The following RCC1 variants were observed in gnomAD, a reference collection of about 807,000 sequenced individuals.
The protein encoded by RCC1 is regulator of chromosome condensation.
RCC1 carries 11 observed loss-of-function variants against 44.4 expected under a neutral mutation model. That is an observed-to-expected ratio of 0.25 (90% CI 0.16 to 0.41). The LOEUF (loss-of-function observed/expected upper bound fraction) is 0.41, where lower values mean the gene tolerates loss of function less well. Ranked by LOEUF, RCC1 falls within the 10% of genes least tolerant of loss-of-function variation. The probability of loss-of-function intolerance (pLI) is 1.00; values close to 1 mark genes in which losing one functional copy is unlikely to be tolerated. For missense variants in RCC1, 386 were observed against 547.1 expected (o/e 0.71, Z 2.94); for synonymous variants, 213 against 216.5 (o/e 0.98, Z 0.14).
intron 4 of RCC1, among the ~76,000 whole-genome samples, chr1:28,527,669 ATGT>A (rs1460991030): frequency 2.0e-5 from 3 of 152,316 alleles, no homozygotes; most frequent in South Asian, 2.1e-4. Flanking sequence ...ATTTCATTTA[ATGT>A]TGTTCTTCAA....
At chr1:28,518,419 C>T (rs1019642116) in intron 4 of RCC1, 3 of 151,662 alleles carry the variant, frequency 2.0e-5, no homozygotes. Flanking sequence ...CCCGCTCTCG[C>T]CCGTGTCGCG....
intron 4 of RCC1, among the ~76,000 whole-genome samples, chr1:28,529,206 G>A (rs1663931204): frequency 1.3e-5 from 1 of 75,480 alleles, no homozygotes; most frequent in Admixed American, 1.5e-4. Context: ...TTTTTTTTGA[G>A]ACAGTCTGGC....
chr1:28,511,431 C>CG (rs1662534544), intron 3 of RCC1, among the ~76,000 whole-genome samples: 1 of 146,714 alleles, frequency 6.8e-6, no homozygotes, highest in African/African-American at 2.6e-5. Flanking sequence ...GAGGGAGTCT[C>CG]GCTCTGTCGC....
intron 3 of RCC1, among the ~76,000 whole-genome samples, 195 bp from the exon 4 acceptor site, chr1:28,516,530 T>C (rs925717737): frequency 2.7e-5 from 4 of 150,788 alleles, no homozygotes; most frequent in South Asian, 4.2e-4. Flanking sequence ...AGTTGAGGTC[T>C]CCTTCCACCA....
intron 3 of RCC1, chr1:28,509,121 G>A (rs1557865462): frequency 3.0e-6 from 1 of 329,470 alleles, no homozygotes; most frequent in Non-Finnish European, 6.0e-6. Flanking sequence ...TCTTTTAAAA[G>A]TCGACCTGTT....
chr1:28,526,491 C>T lies in RCC1; in HGVS notation c.-9-3367C>T, dbSNP rs893055708. The T allele has an allele frequency of 1.7e-4, 95 of 572,878 alleles. 1 individual carries two copies. The highest frequency in any genetic ancestry group is 1.5e-3 in the South Asian group (79 of 52,998). 35.5% of individuals were successfully genotyped at this position (572,878 alleles called of 1,614,324 possible). Reference sequence around the variant, plus strand: ...TCTTGGTGTATTTATCCAGGCAAGACGGCTAAAGTGGGAATCCACTGAGAC... The same window carrying T: ...TCTTGGTGTATTTATCCAGGCAAGATGGCTAAAGTGGGAATCCACTGAGAC... On this transcript the variant is annotated intron_variant, in intron 4 of 12. Coordinates refer to ENST00000683442, the MANE Select transcript of RCC1 (RefSeq NM_001381865.2).
intron 2 of RCC1, 154 bp from the exon 3 acceptor site, chr1:28,508,676 G>A (rs1327468036): frequency 1.9e-6 from 1 of 518,892 alleles, no homozygotes; most frequent in East Asian, 5.4e-5. Flanking sequence ...GATGAAGCTG[G>A]GCCTCGTGTC....
At chr1:28,532,733 AT>A (rs1266144369) in intron 7 of RCC1, 1 of 471,770 alleles carries the variant, frequency 2.1e-6, no homozygotes, top group South Asian at 1.5e-5. Context: ...GGAGGCAGGG[AT>A]TGTCGCATCT....
intron 9 of RCC1, 55 bp from the exon 10 acceptor site, chr1:28,535,816 A>C (rs1016143560): frequency 1.3e-4 from 210 of 1,571,728 alleles, no homozygotes; most frequent in Non-Finnish European, 9.5e-5. Flanking sequence ...CTCGGGGCAG[A>C]GAGAAGCCAT....
chr1:28,516,240 G>A (rs542471835), intron 3 of RCC1, among the ~76,000 whole-genome samples: 71 of 152,200 alleles, frequency 4.7e-4, no homozygotes, highest in Non-Finnish European at 8.5e-4. Flanking sequence ...AAGGCTGGGC[G>A]CGGAGGCTCA....
intron 4 of RCC1, among the ~76,000 whole-genome samples, chr1:28,528,719 C>T (rs1473266683): frequency 6.6e-6 from 1 of 150,472 alleles, no homozygotes; most frequent in East Asian, 1.9e-4. Flanking sequence ...TCTATAATAC[C>T]ATTTTCCGAG....
chr1:28,527,760 C>T (rs1034318719), intron 4 of RCC1, among the ~76,000 whole-genome samples: 3 of 151,906 alleles, frequency 2.0e-5, no homozygotes, highest in Admixed American at 1.3e-4. Context: ...CCTGTAATCC[C>T]GCACTTTGGG....
intron 4 of RCC1, among the ~76,000 whole-genome samples, chr1:28,529,517 A>G (rs886583527): frequency 3.9e-5 from 6 of 151,956 alleles, no homozygotes; most frequent in Non-Finnish European, 8.8e-5. Context: ...TTACTTGGCA[A>G]TGGGGAACAT....
At chr1:28,520,367 G>GACTGTCTCC (rs1663191996) in intron 4 of RCC1, among the ~76,000 whole-genome samples, 1 of 152,180 alleles carries the variant, frequency 6.6e-6, no homozygotes, top group African/African-American at 2.4e-5. Flanking sequence ...GGTCAGGGCA[G>GACTGTCTCC]GAGCACCAGG....
intron 4 of RCC1, among the ~76,000 whole-genome samples, chr1:28,520,978 C>T (rs1237919600): frequency 6.6e-6 from 1 of 151,944 alleles, no homozygotes; most frequent in Non-Finnish European, 1.5e-5. Flanking sequence ...ACTAGGGAGG[C>T]TGAGGCGGGA....
chr1:28,508,909 A>G lies in RCC1; in HGVS notation c.-153+4A>G, dbSNP rs772806853. On this transcript the variant is annotated splice_donor_region_variant and intron_variant, in intron 3 of 12. Transcript: ENST00000683442. ...CTTTATATAGAAGGGAGAGTAGGTA[A>G]ACTGATTTTTTTTTTTAACAGGGAG... 17 of 510,440 alleles carry G rather than the reference A, an allele frequency of 3.3e-5. No individual in the cohort carries two copies. Among genetic ancestry groups the G allele is most frequent in the Non-Finnish European group, 5.8e-5 (15 of 258,010 alleles). The allele number at this position is 510,440 out of a possible 1,614,324, so 31.6% of individuals were successfully genotyped here. A position where few individuals can be genotyped will look rare whatever the true frequency, so the allele number is the denominator to read the frequency against.
chr1:28,513,912 T>G (rs772593944), intron 3 of RCC1, among the ~76,000 whole-genome samples: 2 of 151,834 alleles, frequency 1.3e-5, no homozygotes, highest in Non-Finnish European at 2.9e-5. Flanking sequence ...CTTACAATAG[T>G]CCACATTCAA....
chr1:28,530,738 TGGCCCAC>T, intron 5 of RCC1: 1 of 725,944 alleles, frequency 1.4e-6, no homozygotes, highest in Admixed American at 3.1e-5. Flanking sequence ...GGGCCGCCTT[TGGCCCAC>T]AGAGAGCCCC....
chr1:28,528,253 C>T (rs891088581), intron 4 of RCC1, among the ~76,000 whole-genome samples: 1 of 151,730 alleles, frequency 6.6e-6, no homozygotes, highest in Admixed American at 6.6e-5. Flanking sequence ...ATCAGGAGTT[C>T]GAGACCAGCC....
Sources: gnomAD v4.1 joint callset for allele counts (sites outside exome capture counted in the v4.1 genomes callset) on GRCh38, gnomAD v4.1.1 for gene constraint, MANE v1.5 for transcripts, NCBI Gene and HGNC (gene_info 2026-07-23, HGNC 2026-07-21) for gene names.